The following CCDC150 variants were observed in gnomAD, a reference collection of about 807,000 sequenced individuals.
CCDC150 encodes the protein coiled-coil domain-containing protein 150.
Under a neutral mutation model 156.5 loss-of-function variants are expected in CCDC150, and 151 were observed. The ratio of observed to expected loss-of-function variants is 0.97; its 90% confidence interval spans 0.85 to 1.10. The LOEUF (loss-of-function observed/expected upper bound fraction) is 1.10, where lower values mean the gene tolerates loss of function less well. CCDC150 is among the 50% of genes least tolerant of loss of function. The pLI is 0.00. For missense variants in CCDC150, 1,312 were observed against 1,268.1 expected (o/e 1.03, Z -0.53); for synonymous variants, 452 against 429.4 (o/e 1.05, Z -0.65).
chr2:196,694,182 A>G (rs1311601409), intron 13 of CCDC150, among the ~76,000 whole-genome samples: 2 of 150,612 alleles, frequency 1.3e-5, no homozygotes, highest in African/African-American at 4.9e-5. Context: ...TCAGCCTCCC[A>G]AGTAGCTGGG....
In CCDC150 at chr2:196,718,312, T is replaced by G. The variant is rs1057512259; in HGVS notation, c.1867-191T>G. 1.1e-5 allele frequency: 4 copies of G among 362,070 alleles called. No homozygotes were observed. The South Asian group carries it at 3.2e-4, about 29-fold the overall frequency. The allele number at this position is 362,070 out of a possible 1,614,324, so 22.4% of individuals were successfully genotyped here. ...TTCATGGAGATTAATGTATTGGATT[T>G]GTCTATGTTTATTCACACAGATATT... On this transcript the variant is annotated intron_variant, in intron 17 of 27. Coordinates refer to ENST00000389175, the MANE Select transcript of CCDC150 (RefSeq NM_001080539.2).
chr2:196,656,447 TAATC>T (rs1693191972), intron 2 of CCDC150, among the ~76,000 whole-genome samples, 182 bp from the exon 3 acceptor site: 1 of 152,188 alleles, frequency 6.6e-6, no homozygotes, highest in Admixed American at 6.5e-5. Context: ...GTGTGTCAAT[TAATC>T]AATTCTCAGA....
At chr2:196,676,374 A>G (rs925694215) in intron 11 of CCDC150, 107 bp downstream of exon 11, 7 of 1,450,012 alleles carry the variant, frequency 4.8e-6, no homozygotes, top group Non-Finnish European at 6.6e-6. Flanking sequence ...TTGATTCTGC[A>G]TTTTTTGGGC....
intron 15 of CCDC150, among the ~76,000 whole-genome samples, chr2:196,708,129 G>A (rs369644172): frequency 1.2e-4 from 18 of 152,220 alleles, no homozygotes; most frequent in African/African-American, 3.6e-4. Flanking sequence ...CACTATTATT[G>A]TGTGGGAGTC....
At position 196,726,023 on chromosome 2, in the gene CCDC150, G is replaced by T. The variant is rs771148354; in HGVS notation, c.2480G>T (p.Arg827Leu). ...SKVEAELHAE[R>L]IEALRKQFQT... is the part of the protein sequence containing the mutation. ...GTGGAAGCAGAATTGCATGCTGAAC[G>T]CATAGAAGCTCTAAGAAAGCAGTTT... Residue 827 changes from arginine to leucine, a missense_variant, in exon 22 of 28, where the codon CGC (arginine) becomes CTC (leucine). Transcript: ENST00000389175. 3 of 1,608,590 alleles carry T rather than the reference G, an allele frequency of 1.9e-6. No individual in the cohort carries two copies. Among genetic ancestry groups the T allele is most frequent in the African/African-American group, 1.3e-5 (1 of 74,880 alleles).
intron 19 of CCDC150, 91 bp from the exon 20 acceptor site, chr2:196,720,484 C>A: frequency 1.0e-6 from 1 of 965,248 alleles, no homozygotes; most frequent in Non-Finnish European, 1.6e-6. Context: ...ATTTGAGCTT[C>A]TTAGAAGAAA....
intron 13 of CCDC150, among the ~76,000 whole-genome samples, chr2:196,694,130 C>A (rs1426173696): frequency 6.9e-6 from 1 of 145,726 alleles, no homozygotes; most frequent in African/African-American, 2.5e-5. Context: ...GATCTCAGCT[C>A]ACCGCAACCT....
At chr2:196,712,406 C>T (rs1470027981) in intron 16 of CCDC150, 154 bp downstream of exon 16, 4 of 563,626 alleles carry the variant, frequency 7.1e-6, no homozygotes, top group African/African-American at 5.6e-5. Context: ...GCACCTAGTA[C>T]ATACAAGGTT....
At position 196,725,978 on chromosome 2, in the gene CCDC150, GGAT is replaced by G; in HGVS notation, c.2438_2440del (p.Met813del). The G allele has an allele frequency of 6.3e-7, 1 of 1,594,920 alleles. No homozygotes were observed. Among genetic ancestry groups the G allele is most frequent in the Admixed American group, 1.8e-5 (1 of 56,772 alleles). On this transcript the variant is annotated inframe_deletion, in exon 22 of 28. Coordinates refer to ENST00000389175, the MANE Select transcript of CCDC150 (RefSeq NM_001080539.2). ...ACCTCTCTTCTTCAAAACAGAGACC[GGAT>G]GACTGAAGAGTCCAAAGTGGAAGCA...
chr2:196,658,926 G>C, intron 5 of CCDC150, 66 bp downstream of exon 5: 1 of 1,143,996 alleles, frequency 8.7e-7, no homozygotes, highest in Non-Finnish European at 1.3e-6. Context: ...AGAAAGCAGA[G>C]AGAATGAAAA....
chr2:196,639,736 C>T lies in CCDC150; in HGVS notation c.-31C>T. 5 of 1,539,958 alleles carry T rather than the reference C, an allele frequency of 3.2e-6. No individual in the cohort carries two copies. Among genetic ancestry groups the T allele is most frequent in the Non-Finnish European group, 4.4e-6 (5 of 1,135,296 alleles). ...TGTTAGTTCCACGGAAACCCGCTCGCCTGCTGCAGTACGGAGCCTCAGGCG... is the reference window on the plus strand; with the variant it reads ...TGTTAGTTCCACGGAAACCCGCTCGTCTGCTGCAGTACGGAGCCTCAGGCG... On this transcript the variant is annotated 5_prime_UTR_variant, in exon 1 of 28. Transcript: ENST00000389175.
chr2:196,644,682 T>C (rs1372365536), intron 1 of CCDC150, among the ~76,000 whole-genome samples: 1 of 152,100 alleles, frequency 6.6e-6, no homozygotes. Flanking sequence ...AGTTAATTAA[T>C]AGAAGGGAGC....
chr2:196,707,450 A>C (rs1696739988), intron 15 of CCDC150, among the ~76,000 whole-genome samples: 1 of 152,032 alleles, frequency 6.6e-6, no homozygotes, highest in Admixed American at 6.6e-5. Flanking sequence ...TGATCTTTTC[A>C]AAAAACCGTC....
At chr2:196,643,258 A>G (rs939765298) in intron 1 of CCDC150, among the ~76,000 whole-genome samples, 1 of 152,206 alleles carries the variant, frequency 6.6e-6, no homozygotes, top group Non-Finnish European at 1.5e-5. Context: ...TGAATTTTCT[A>G]TAAACCTCCT....
intron 15 of CCDC150, among the ~76,000 whole-genome samples, chr2:196,703,339 C>T (rs1426980094): frequency 6.6e-6 from 1 of 152,022 alleles, no homozygotes; most frequent in Non-Finnish European, 1.5e-5. Context: ...ATTACTAGAA[C>T]AATAAAAAGA....
intron 14 of CCDC150, among the ~76,000 whole-genome samples, chr2:196,696,826 A>G (rs1355905471): frequency 2.0e-5 from 3 of 152,196 alleles, no homozygotes; most frequent in African/African-American, 7.2e-5. Flanking sequence ...AATTCTTTAT[A>G]AAGAGTACCA....
chr2:196,677,297 A>C lies in CCDC150; in HGVS notation c.1445A>C (p.Asn482Thr), dbSNP rs374012147. 73 of 1,566,594 alleles carry C rather than the reference A, an allele frequency of 4.7e-5. No individual in the cohort carries two copies. The highest frequency in any genetic ancestry group is 5.8e-5 in the Non-Finnish European group (67 of 1,154,186). ...TTTCCCATCCTCCTTGGGCAGGTTA[A>C]TAAAACAGAAAAAGAAATAGTGCAA... is the stretch of plus-strand genomic sequence containing the variant. ...EEKERFQREV[N>T]KTEKEIVQER... The change falls in exon 13 of 28, where the codon AAT becomes ACT. Residue 482 changes from asparagine to threonine, a missense_variant. Asn to Thr is a moderately conservative substitution (Grantham distance 65, BLOSUM62 0). Coordinates refer to ENST00000389175, the MANE Select transcript of CCDC150 (RefSeq NM_001080539.2).
chr2:196,650,833 C>T (rs144347504), intron 2 of CCDC150, among the ~76,000 whole-genome samples: 35 of 152,296 alleles, frequency 2.3e-4, no homozygotes, highest in African/African-American at 7.5e-4. Flanking sequence ...CCCTCCTCTT[C>T]AATTTTTGAC....
chr2:196,714,433 C>T (rs1642922567), intron 17 of CCDC150, among the ~76,000 whole-genome samples: 2 of 152,196 alleles, frequency 1.3e-5, no homozygotes, highest in South Asian at 4.1e-4. Flanking sequence ...GACACTCTCC[C>T]TTTCCATCTG....
Sources: allele counts gnomAD v4.1 joint callset (sites outside exome capture counted in the v4.1 genomes callset), GRCh38; gene constraint gnomAD v4.1.1; transcripts MANE v1.5; gene names NCBI Gene and HGNC (gene_info 2026-07-23, HGNC 2026-07-21).